Variants in MS4A2 observed in about 807,000 individuals in gnomAD.
The protein encoded by MS4A2 is membrane spanning 4-domains A2.
A neutral mutation model predicts 27.9 loss-of-function variants in MS4A2; 26 were observed. The observed-to-expected ratio is 0.93, with a 90% CI of 0.68 to 1.29. The LOEUF (loss-of-function observed/expected upper bound fraction) is 1.29, where lower values mean the gene tolerates loss of function less well. Among genes scored for constraint, MS4A2 ranks in the 50% most tolerant of loss-of-function variants. The pLI, the probability that MS4A2 is intolerant of heterozygous loss-of-function variation, is 0.00. For missense variants in MS4A2, 284 were observed against 284.6 expected (o/e 1.00, Z 0.01); for synonymous variants, 110 against 98.8 (o/e 1.11, Z -0.67).
At chr11:60,095,432 CAG>C (rs1855851899) in intron 6 of MS4A2, 124 bp from the exon 7 acceptor site, 2 of 702,382 alleles carry the variant, frequency 2.8e-6, no homozygotes, top group Non-Finnish European at 2.6e-6. Context: ...AAGAAATAAT[CAG>C]AGTTTAATGA....
In MS4A2 at chr11:60,097,470, A is replaced by G. The variant is rs1390874594; in HGVS notation, c.*1814A>G. On this transcript the variant is annotated 3_prime_UTR_variant, in exon 7 of 7. Coordinates refer to ENST00000278888, the MANE Select transcript of MS4A2 (RefSeq NM_000139.5). ...GAGTATTGTGATGAGTAAATGAATAAAACATTTGCAAAGACCTTTAGAGAA... is the reference window on the plus strand; with the variant it reads ...GAGTATTGTGATGAGTAAATGAATAGAACATTTGCAAAGACCTTTAGAGAA... The G allele has an allele frequency of 6.6e-6, 1 of 152,238 alleles. No individual in the cohort carries two copies. Among genetic ancestry groups the G allele is most frequent in the African/African-American group, 2.4e-5 (1 of 41,460 alleles). 9.4% of individuals were successfully genotyped at this position (152,238 alleles called of 1,614,324 possible).
chr11:60,090,413 T>C lies in MS4A2; in HGVS notation c.264T>C (p.Ile88=), dbSNP rs1333393116. The change falls in exon 3 of 7, where the codon ATT becomes ATC. Residue 88 remains isoleucine, a synonymous_variant. Transcript: ENST00000278888. ...GCTCTGTACTTGATATTTCACACAT[T>C]GAGGGAGACATTTTTTCATCATTTA... ...VVCSVLDISH[I]EGDIFSSFKA... The C allele has an allele frequency of 2.5e-6, 4 of 1,613,398 alleles. No individual in the cohort carries two copies. Among genetic ancestry groups the C allele is most frequent in the East Asian group, 2.2e-5 (1 of 44,840 alleles).
At chr11:60,093,872 G>A (rs1454743595) in intron 5 of MS4A2, 92 bp from the exon 6 acceptor site, 3 of 886,856 alleles carry the variant, frequency 3.4e-6, no homozygotes, top group Middle Eastern at 2.2e-4. Flanking sequence ...CAGATGGTAG[G>A]GAGATGAAAA....
rs750693474 is a variant in MS4A2 at position 60,089,741 on chromosome 11, G to A, written c.106G>A (p.Gly36Ser). The change falls in exon 2 of 7, where the codon GGC becomes AGC. Residue 36 changes from glycine to serine, a missense_variant. Coordinates refer to ENST00000278888, the MANE Select transcript of MS4A2 (RefSeq NM_000139.5). The part of the protein sequence containing the change: ...LEISPQEVSS[G>S]RLLKSASSPP... ...AATATCTCCCCAGGAAGTATCTTCA[G>A]GCAGACTATTGAAGTCGGCCTCATC... 4 of 1,614,174 alleles carry A rather than the reference G, an allele frequency of 2.5e-6. No individual in the cohort carries two copies. The South Asian group carries it at 4.4e-5, about 18-fold the overall frequency.
intron 3 of MS4A2, 150 bp downstream of exon 3, chr11:60,090,620 G>C (rs919221580): frequency 2.8e-6 from 2 of 712,070 alleles, no homozygotes; most frequent in Non-Finnish European, 4.4e-6. Context: ...ACATAGATAT[G>C]CTCATTAACA....
In MS4A2 at chr11:60,095,683, T is replaced by A. The variant is rs771010110; in HGVS notation, c.*27T>A. The A allele has an allele frequency of 1.1e-5, 16 of 1,505,046 alleles. No homozygotes were observed. Among genetic ancestry groups the A allele is most frequent in the African/African-American group, 1.4e-5 (1 of 72,638 alleles). The allele number at this position is 1,505,046 out of a possible 1,614,324, so 93.2% of individuals were successfully genotyped here. The stretch of plus-strand genomic sequence containing the variant: ...AATCACGTGTCCAGAACACTCTGAT[T>A]CACAGCCAAGGATCCAGAAGGCCAA... On this transcript the variant is annotated 3_prime_UTR_variant, in exon 7 of 7. Transcript: ENST00000278888.
chr11:60,089,392 GT>G (rs1418985179), intron 1 of MS4A2, among the ~76,000 whole-genome samples: 1 of 152,154 alleles, frequency 6.6e-6, no homozygotes, highest in Non-Finnish European at 1.5e-5. Context: ...TTTATTTTCA[GT>G]TTTACTTGTC....
At position 60,097,599 on chromosome 11, in the gene MS4A2, A is replaced by G. The variant is rs1162016989; in HGVS notation, c.*1943A>G. On this transcript the variant is annotated 3_prime_UTR_variant, in exon 7 of 7. Coordinates refer to ENST00000278888, the MANE Select transcript of MS4A2 (RefSeq NM_000139.5). ...ATTCTGTTTATAAAAGAAGGAAAAG[A>G]TAGTTTATGTTTTTAGCCTAAGTAT... 3 of 152,230 alleles carry G rather than the reference A, an allele frequency of 2.0e-5. No homozygotes were observed. Among genetic ancestry groups the G allele is most frequent in the Non-Finnish European group, 2.9e-5 (2 of 68,044 alleles). 9.4% of individuals were successfully genotyped at this position (152,230 alleles called of 1,614,324 possible).
chr11:60,089,793 T>G lies in MS4A2; in HGVS notation c.158T>G (p.Val53Gly), dbSNP rs774793795. 6.2e-7 allele frequency: 1 copy of G among 1,614,082 alleles called. No homozygotes were observed. Among genetic ancestry groups the G allele is most frequent in the East Asian group, 2.2e-5 (1 of 44,872 alleles). ...CCACCACTGCATACATGGCTGACAG[T>G]TTTGAAAAAAGAGCAGGAGTTCCTG... ...SSPPLHTWLT[V>G]LKKEQEFLGV... The change falls in exon 2 of 7, where the codon GTT (valine) becomes GGT (glycine). Residue 53 changes from valine to glycine, a missense_variant. Val to Gly is a moderately radical substitution (Grantham distance 109, BLOSUM62 -3). Coordinates refer to ENST00000278888, the MANE Select transcript of MS4A2 (RefSeq NM_000139.5).
At position 60,093,434 on chromosome 11, in the gene MS4A2, G is replaced by A. The variant is rs35407306; in HGVS notation, c.413G>A (p.Ser138Asn). 5.5e-4 allele frequency: 893 copies of A among 1,614,186 alleles called. 5 individuals are homozygous for A. In the African/African-American group the frequency reaches 0.011, roughly 19 times the overall value. The change falls in exon 5 of 7, where the codon AGC (serine) becomes AAC (asparagine). Residue 138 changes from serine (S) to asparagine (N), a missense_variant. Transcript: ENST00000278888. Reference protein sequence around the residue: ...RGSLGANTASSIAGGTGITIL... With the variant: ...RGSLGANTASNIAGGTGITIL... ...AGCCTGGGAGCAAACACTGCCAGCA[G>A]CATAGCTGGGGGAACGGGAATTACC...
rs1395455098 is a variant in MS4A2 at position 60,095,453 on chromosome 11, G to GT, written c.637-104dup. The GT allele has an allele frequency of 2.8e-5, 21 of 757,926 alleles. No individual in the cohort carries two copies. In the East Asian group the frequency reaches 5.5e-4, roughly 20 times the overall value. The allele number at this position is 757,926 out of a possible 1,614,324, so 47.0% of individuals were successfully genotyped here. ...TAATCAGAGTTTAATGACAGAGAGC[G>GT]TGAGACCCAGAAAGACAAAAGTAGA... is the stretch of plus-strand genomic sequence containing the variant. On this transcript the variant is annotated intron_variant, in intron 6 of 6. Coordinates refer to ENST00000278888, the MANE Select transcript of MS4A2 (RefSeq NM_000139.5).
Position 60,090,338 on chromosome 11 carries a change from AAC to A in MS4A2, c.193_194del (p.Gln65AsnfsTer19), listed in dbSNP as rs1315909795. On this transcript the variant is annotated frameshift_variant, in exon 3 of 7. Coordinates refer to ENST00000278888, the MANE Select transcript of MS4A2 (RefSeq NM_000139.5). LOFTEE classifies it high-confidence loss of function. The part of the protein sequence containing the change: ...LKKEQEFLGV[T>X]QILTAMICLC... ...GAAATTCATGTGTTTTTCTATAGGT[AAC>A]ACAAATTCTGACTGCTATGATATGC... The A allele has an allele frequency of 6.2e-7, 1 of 1,612,684 alleles. No homozygotes were observed. The highest frequency in any genetic ancestry group is 8.5e-7 in the Non-Finnish European group (1 of 1,179,806).
intron 6 of MS4A2, among the ~76,000 whole-genome samples, chr11:60,095,296 C>A (rs945428860): frequency 4.6e-5 from 7 of 152,122 alleles, no homozygotes; most frequent in Non-Finnish European, 8.8e-5. Context: ...AAATCACTCT[C>A]TTCCAAAGAT....
At chr11:60,093,187 C>T (rs968007861) in intron 4 of MS4A2, among the ~76,000 whole-genome samples, 4 of 152,184 alleles carry the variant, frequency 2.6e-5, no homozygotes, top group African/African-American at 9.7e-5. Flanking sequence ...TGAGGAAAGA[C>T]CGTACGTGTT....
intron 3 of MS4A2, 42 bp downstream of exon 3, chr11:60,090,512 A>G: frequency 3.1e-6 from 5 of 1,596,462 alleles, no homozygotes; most frequent in South Asian, 1.1e-5. Context: ...AACACTGAAC[A>G]TAGGTTTTTC....
rs1855879157 is a variant in MS4A2 at position 60,096,886 on chromosome 11, C to CAT, written c.*1231_*1232insTA. The stretch of plus-strand genomic sequence containing the variant: ...TTGGTGACAATGGGAGACTCCATCT[C>CAT]AAAAAAAAAAAAAAAAAAAAAAAAG... On this transcript the variant is annotated 3_prime_UTR_variant, in exon 7 of 7. Coordinates refer to ENST00000278888, the MANE Select transcript of MS4A2 (RefSeq NM_000139.5). 1.8e-5 allele frequency: 1 copy of CAT among 55,054 alleles called. No homozygotes were observed. The highest frequency in any genetic ancestry group is 7.4e-5 in the African/African-American group (1 of 13,510). The allele number at this position is 55,054 out of a possible 1,614,324, so 3.4% of individuals were successfully genotyped here.
chr11:60,093,386 T>C lies in MS4A2; in HGVS notation c.379-14T>C, dbSNP rs559758861. 6.2e-7 allele frequency: 1 copy of C among 1,614,178 alleles called. No individual in the cohort carries two copies. Among genetic ancestry groups the C allele is most frequent in the African/African-American group, 1.3e-5 (1 of 75,048 alleles). On this transcript the variant is annotated splice_polypyrimidine_tract_variant and intron_variant, in intron 4 of 6. Transcript: ENST00000278888. ...AGTGCAGGCCCAGGTCTGAGTGTTC[T>C]TCATTATTATCAGGTGAGAGGAAGC...
At position 60,089,692 on chromosome 11, in the gene MS4A2, T is replaced by C; in HGVS notation, c.57T>C (p.Ser19=). The C allele has an allele frequency of 1.2e-6, 2 of 1,614,170 alleles. No individual in the cohort carries two copies. The highest frequency in any genetic ancestry group is 1.7e-6 in the Non-Finnish European group (2 of 1,179,988). Residue 19 remains serine, a splice_region_variant and synonymous_variant, in exon 2 of 7, where the codon AGT becomes AGC. Transcript: ENST00000278888. ...ACTGAATTGCTTTTAAATTTCACAG[T>C]GTGCCTGCATTTGAAGTCTTGGAAA... ...ANLALPQEPS[S]VPAFEVLEIS...
At chr11:60,094,308 C>T (rs1855828039) in intron 6 of MS4A2, among the ~76,000 whole-genome samples, 1 of 152,130 alleles carries the variant, frequency 6.6e-6, no homozygotes, top group South Asian at 2.1e-4. Flanking sequence ...TTAGAAAATG[C>T]CTTAAAGTGT....
Sources: gnomAD v4.1 joint callset for allele counts (sites outside exome capture counted in the v4.1 genomes callset) on GRCh38, gnomAD v4.1.1 for gene constraint, MANE v1.5 for transcripts, NCBI Gene and HGNC (gene_info 2026-07-23, HGNC 2026-07-21) for gene names.